Variants in LRRK2 observed in about 807,000 individuals in gnomAD.
The protein encoded by LRRK2 is leucine rich repeat kinase 2.
Under a neutral mutation model 302.6 loss-of-function variants are expected in LRRK2, and 203 were observed. The ratio of observed to expected loss-of-function variants is 0.67; its 90% CI spans 0.60 to 0.75. LRRK2 has a LOEUF of 0.75. Ranked by LOEUF, LRRK2 falls within the 30% of genes least tolerant of loss-of-function variation. The pLI is 0.00. For missense variants in LRRK2, 2,830 were observed against 2,951.0 expected (o/e 0.96, Z 0.95); for synonymous variants, 1,066 against 1,031.9 (o/e 1.03, Z -0.63).
At chr12:40,287,933 C>T (rs1185886468) in intron 20 of LRRK2, among the ~76,000 whole-genome samples, 1 of 151,824 alleles carries the variant, frequency 6.6e-6, no homozygotes, top group Non-Finnish European at 1.5e-5. Context: ...TGCAACAATG[C>T]TTGGCAAACA....
At chr12:40,273,102 G>A (rs1943303825) in intron 14 of LRRK2, among the ~76,000 whole-genome samples, 1 of 152,088 alleles carries the variant, frequency 6.6e-6, no homozygotes, top group African/African-American at 2.4e-5. Context: ...TTAGAGATGA[G>A]GAAGCTGAGA....
intron 6 of LRRK2, among the ~76,000 whole-genome samples, chr12:40,241,073 A>C (rs1941698225): frequency 6.6e-6 from 1 of 152,218 alleles, no homozygotes; most frequent in Non-Finnish European, 1.5e-5. Flanking sequence ...TAATGTAAAG[A>C]TGCTGGAGCA....
At chr12:40,361,599 G>A (rs1254127239) in intron 47 of LRRK2, among the ~76,000 whole-genome samples, 1 of 151,988 alleles carries the variant, frequency 6.6e-6, no homozygotes, top group East Asian at 1.9e-4. Context: ...ACATTTTATG[G>A]GATTATGGAT....
intron 19 of LRRK2, 88 bp downstream of exon 19, chr12:40,284,221 G>C: frequency 1.7e-6 from 2 of 1,194,466 alleles, no homozygotes; most frequent in Non-Finnish European, 2.3e-6. Flanking sequence ...ATTCATGCCA[G>C]TTTGAGGGAC....
At chr12:40,306,796 T>C (rs1565735658) in intron 28 of LRRK2, among the ~76,000 whole-genome samples, 1 of 152,186 alleles carries the variant, frequency 6.6e-6, no homozygotes, top group Non-Finnish European at 1.5e-5. Flanking sequence ...CTAAAATCTC[T>C]TAAATTTATA....
chr12:40,263,759 CT>C lies in LRRK2; in HGVS notation c.1544-27del, dbSNP rs755312269. ...CAACTCAAATGTTTATAAGAAAATTCTTTCTTTATTTATTTATCTGTGCATT... is the reference window on the plus strand; with the variant it reads ...CAACTCAAATGTTTATAAGAAAATTCTTCTTTATTTATTTATCTGTGCATT... On this transcript the variant is annotated intron_variant, in intron 13 of 50. Coordinates refer to ENST00000298910, the MANE Select transcript of LRRK2 (RefSeq NM_198578.4). The C allele has an allele frequency of 5.0e-5, 74 of 1,480,174 alleles. 1 individual carries two copies. In the Middle Eastern group the frequency reaches 3.4e-3, roughly 67 times the overall value. The allele number at this position is 1,480,174 out of a possible 1,614,324, so 91.7% of individuals were successfully genotyped here.
chr12:40,228,886 C>T (rs936791004), intron 2 of LRRK2, among the ~76,000 whole-genome samples: 2 of 152,142 alleles, frequency 1.3e-5, no homozygotes, highest in Non-Finnish European at 2.9e-5. Context: ...ACTGTCATAG[C>T]GAAGTGAGAG....
At chr12:40,310,046 G>A (rs886972902) in intron 30 of LRRK2, among the ~76,000 whole-genome samples, 2 of 152,104 alleles carry the variant, frequency 1.3e-5, no homozygotes, top group Non-Finnish European at 2.9e-5. Flanking sequence ...TAAATTCACA[G>A]ATAAGGAAGA....
chr12:40,347,799 C>T (rs1282348528), intron 42 of LRRK2, among the ~76,000 whole-genome samples: 2 of 152,106 alleles, frequency 1.3e-5, no homozygotes, highest in African/African-American at 2.4e-5. Flanking sequence ...CCTGTCTCTA[C>T]TAAAAATACA....
rs201415714 is a variant in LRRK2 at position 40,238,050 on chromosome 12, A to G, written c.518A>G (p.Asn173Ser). Residue 173 changes from asparagine (N) to serine (S), a missense_variant, in exon 5 of 51, where the codon AAT becomes AGT. Asn to Ser is a conservative substitution (Grantham distance 46). Around this residue, in one of 3 missense-constraint regions of LRRK2, gnomAD observed 2,121 missense variants for 2,148.0 expected, o/e 0.99. Coordinates refer to ENST00000298910, the MANE Select transcript of LRRK2 (RefSeq NM_198578.4). ...IFDAMHSFPA[N>S]DEVQKLGCKA... ...GATGCCATGCACTCATTTCCAGCCA[A>G]TGATGAAGTCCAGAAACTTGGATGC... The G allele has an allele frequency of 5.0e-6, 8 of 1,613,638 alleles. No homozygotes were observed. Among genetic ancestry groups the G allele is most frequent in the Non-Finnish European group, 6.8e-6 (8 of 1,179,796 alleles).
intron 33 of LRRK2, among the ~76,000 whole-genome samples, chr12:40,318,196 C>A (rs1427265): frequency 0.57 from 86,017 of 151,666 alleles, 24,511 homozygotes; most frequent in South Asian, 0.7. Flanking sequence ...ATTCTAGTAA[C>A]CAGAGCAACC....
intron 31 of LRRK2, among the ~76,000 whole-genome samples, chr12:40,313,673 T>C (rs978450716): frequency 6.7e-6 from 1 of 148,202 alleles, no homozygotes; most frequent in Admixed American, 6.8e-5. Flanking sequence ...TTTTTATGGT[T>C]AGTGATTTAT....
At chr12:40,304,200 A>G in intron 27 of LRRK2, 66 bp downstream of exon 27, 1 of 1,520,376 alleles carries the variant, frequency 6.6e-7, no homozygotes, top group Non-Finnish European at 9.0e-7. Context: ...TTATCATTTT[A>G]AGTGATATTT....
At chr12:40,288,611 G>A (rs1944022265) in intron 20 of LRRK2, among the ~76,000 whole-genome samples, 1 of 151,842 alleles carries the variant, frequency 6.6e-6, no homozygotes, top group South Asian at 2.1e-4. Context: ...TCAGTACTTG[G>A]TATTTTCAAG....
At chr12:40,253,703 A>C (rs1942381167) in intron 11 of LRRK2, among the ~76,000 whole-genome samples, 1 of 152,144 alleles carries the variant, frequency 6.6e-6, no homozygotes. Context: ...ATAGCTTTGT[A>C]GTTTTTCAGT....
rs201891210 is a variant in LRRK2, at chr12:40,298,522, G to A, written c.3347+29G>A. On this transcript the variant is annotated intron_variant, in intron 24 of 50. Transcript: ENST00000298910. ...AGAAAGAGCTCATTAAAAATAAAAG[G>A]GTTGCCTAAATATGCTGATGTTAAC... The A allele has an allele frequency of 3.1e-6, 5 of 1,612,742 alleles. No homozygotes were observed. The African/African-American group carries it at 6.7e-5, about 22-fold the overall frequency.
chr12:40,293,542 T>C lies in LRRK2; in HGVS notation c.2690-3T>C, dbSNP rs1944245558. On this transcript the variant is annotated splice_region_variant and splice_polypyrimidine_tract_variant and intron_variant, in intron 20 of 50. Coordinates refer to ENST00000298910, the MANE Select transcript of LRRK2 (RefSeq NM_198578.4). Reference sequence around the variant, plus strand: ...TCATGTTATTTTATCATTTTCAAAATAGGAAGTGAAGGCTCATTTCTTGTG... The same window carrying C: ...TCATGTTATTTTATCATTTTCAAAACAGGAAGTGAAGGCTCATTTCTTGTG... 2 of 1,555,672 alleles carry C rather than the reference T, an allele frequency of 1.3e-6. No individual in the cohort carries two copies. Among genetic ancestry groups the C allele is most frequent in the Non-Finnish European group, 1.8e-6 (2 of 1,129,390 alleles).
In LRRK2 at chr12:40,302,912, G is replaced by A. The variant is rs201260586; in HGVS notation, c.3590+30G>A. 4.4e-5 allele frequency: 61 copies of A among 1,380,116 alleles called. 2 individuals carry two copies. In the South Asian group the frequency reaches 6.2e-4, roughly 14 times the overall value. 85.5% of individuals were successfully genotyped at this position (1,380,116 alleles called of 1,614,324 possible). A position where few individuals can be genotyped will look rare whatever the true frequency, so the allele number is the denominator to read the frequency against. The stretch of plus-strand genomic sequence containing the variant: ...GTTTATTGTTATTTTAATTTTAAAA[G>A]CACATTAGCTGGAACAGAACCTTTA... On this transcript the variant is annotated intron_variant, in intron 26 of 50. Transcript: ENST00000298910.
intron 11 of LRRK2, 28 bp from the exon 12 acceptor site, chr12:40,257,220 C>A (rs1328694129): frequency 3.4e-6 from 5 of 1,451,720 alleles, no homozygotes; most frequent in Non-Finnish European, 4.8e-6. Context: ...GCTTTCATAT[C>A]TATAAGTAAC....
Sources: allele counts gnomAD v4.1 joint callset (sites outside exome capture counted in the v4.1 genomes callset), GRCh38; gene constraint gnomAD v4.1.1; regional missense constraint gnomAD v4.1.1; transcripts MANE v1.5; gene names NCBI Gene and HGNC (gene_info 2026-07-23, HGNC 2026-07-21).